The following DLG2 variants were observed in gnomAD, a reference collection of about 807,000 sequenced individuals.
DLG2 encodes disks large homolog 2.
A neutral mutation model predicts 132.5 loss-of-function variants in DLG2; 45 were observed. The ratio of observed to expected loss-of-function variants is 0.34; its 90% CI spans 0.27 to 0.44. DLG2 has a LOEUF of 0.44. Ranked by LOEUF, DLG2 falls within the 20% of genes least tolerant of loss-of-function variation. DLG2 has a pLI of 1.00. For missense variants in DLG2, 1,045 were observed against 1,196.9 expected (o/e 0.87, Z 1.87); for synonymous variants, 424 against 419.6 (o/e 1.01, Z -0.13).
At chr11:85,489,838 T>C (rs776659509) in intron 3 of DLG2, among the ~76,000 whole-genome samples, 11 of 151,360 alleles carry the variant, frequency 7.3e-5, no homozygotes, top group Non-Finnish European at 1.6e-4. Context: ...AAATAAATTA[T>C]GAAGGAATTT....
intron 3 of DLG2, among the ~76,000 whole-genome samples, chr11:85,527,690 A>C (rs762166186): frequency 6.6e-6 from 1 of 152,204 alleles, no homozygotes; most frequent in East Asian, 1.9e-4. Context: ...AAAATAATTT[A>C]TAATCCTTTG....
At chr11:85,184,943 C>T (rs946258277) in intron 4 of DLG2, among the ~76,000 whole-genome samples, 9 of 151,632 alleles carry the variant, frequency 5.9e-5, no homozygotes, top group South Asian at 4.1e-4. Flanking sequence ...AACTGGGGAA[C>T]GTGGGTTGAA....
At chr11:84,490,648 G>GAAA (rs1567769836) in intron 7 of DLG2, among the ~76,000 whole-genome samples, 1 of 99,202 alleles carries the variant, frequency 1.0e-5, no homozygotes, top group African/African-American at 3.9e-5. Flanking sequence ...ACATATATGA[G>GAAA]CAAAAAAAAA....
intron 6 of DLG2, among the ~76,000 whole-genome samples, chr11:84,630,497 A>G (rs919404895): frequency 6.6e-6 from 1 of 152,178 alleles, no homozygotes; most frequent in African/African-American, 2.4e-5. Context: ...GTAATTTGTT[A>G]TGTGACAAAA....
chr11:84,185,299 T>A (rs953416771), intron 8 of DLG2, among the ~76,000 whole-genome samples: 11 of 152,144 alleles, frequency 7.2e-5, no homozygotes, highest in Admixed American at 7.2e-4. Context: ...CCCTTGTAAG[T>A]TGGATTCCTA....
chr11:84,736,831 G>A (rs887522562), intron 6 of DLG2, among the ~76,000 whole-genome samples: 2 of 151,878 alleles, frequency 1.3e-5, no homozygotes, highest in African/African-American at 4.8e-5. Context: ...ACAAAAATGA[G>A]TTTTACATCT....
intron 6 of DLG2, among the ~76,000 whole-genome samples, chr11:84,692,277 A>ATAT (rs1289900481): frequency 2.6e-5 from 4 of 151,798 alleles, no homozygotes; most frequent in African/African-American, 9.7e-5. Context: ...TATGCTAAGC[A>ATAT]TATTACCTTT....
In DLG2 at chr11:84,934,109, T is replaced by C. The variant is rs192819251; in HGVS notation, c.357+177552A>G. ...GATGTTGAATTTTATTGAAATCCTC[T>C]TCTGCACCTATTTAGATAATCATGT... On this transcript the variant is annotated intron_variant, in intron 6 of 27. Transcript: ENST00000376104. Among the ~76,000 whole-genome samples, 405 of 152,334 alleles carry C rather than the reference T, an allele frequency of 2.7e-3. 1 individual carries two copies. The highest frequency in any genetic ancestry group is 4.8e-3 in the Non-Finnish European group (328 of 68,030).
chr11:84,796,434 C>A (rs537088714), intron 6 of DLG2, among the ~76,000 whole-genome samples: 1 of 152,286 alleles, frequency 6.6e-6, no homozygotes. Flanking sequence ...TTGCATGCCA[C>A]AGTTGCAGTG....
At chr11:83,605,552 A>C (rs2059218877) in intron 19 of DLG2, among the ~76,000 whole-genome samples, 1 of 152,260 alleles carries the variant, frequency 6.6e-6, no homozygotes, top group African/African-American at 2.4e-5. Context: ...TACCAGAATA[A>C]GCTTAGTTAA....
At chr11:83,482,492 G>A (rs2137371193) in intron 22 of DLG2, among the ~76,000 whole-genome samples, 1 of 152,110 alleles carries the variant, frequency 6.6e-6, no homozygotes, top group East Asian at 1.9e-4. Flanking sequence ...GTTGCTTAGT[G>A]CAATCAGATA....
chr11:84,918,675 C>A (rs1016386684), intron 6 of DLG2, among the ~76,000 whole-genome samples: 1 of 152,148 alleles, frequency 6.6e-6, no homozygotes, highest in African/African-American at 2.4e-5. Flanking sequence ...TACAACCTGG[C>A]TGAGCAGATC....
intron 15 of DLG2, among the ~76,000 whole-genome samples, chr11:83,900,359 G>A (rs1022459662): frequency 1.3e-5 from 2 of 152,200 alleles, no homozygotes; most frequent in Admixed American, 1.3e-4. Flanking sequence ...AGAAAATGGG[G>A]GAAATGTCTC....
rs1025273596 is a variant in DLG2 at position 84,286,507 on chromosome 11, T to C, written c.520-35216A>G. On this transcript the variant is annotated intron_variant, in intron 7 of 27. Transcript: ENST00000376104. ...TAGAACATGGAATAACTTTTAAAGA[T>C]GGCTGGCTAAAATTATCTTTTACTT... 3.9e-5 allele frequency among the ~76,000 whole-genome samples: 6 copies of C among 152,202 alleles called. No individual in the cohort carries two copies. In the East Asian group the frequency reaches 1.2e-3, roughly 29 times the overall value.
intron 3 of DLG2, among the ~76,000 whole-genome samples, chr11:85,596,115 T>C (rs1045388407): frequency 2.0e-5 from 3 of 151,880 alleles, no homozygotes; most frequent in Non-Finnish European, 4.4e-5. Flanking sequence ...AAGGGTCAGG[T>C]GCAGTGATTG....
chr11:84,430,930 A>T (rs1242582790), intron 7 of DLG2, among the ~76,000 whole-genome samples: 1 of 152,162 alleles, frequency 6.6e-6, no homozygotes. Flanking sequence ...TGAGAGACTC[A>T]CAAGCCTCTA....
intron 4 of DLG2, among the ~76,000 whole-genome samples, chr11:85,233,626 T>C (rs942351191): frequency 6.6e-6 from 1 of 151,602 alleles, no homozygotes; most frequent in South Asian, 2.1e-4. Flanking sequence ...GGCAAGATAA[T>C]GGGAAGGAGG....
chr11:85,110,417 CAA>C (rs2072522905), intron 6 of DLG2, among the ~76,000 whole-genome samples: 1 of 151,956 alleles, frequency 6.6e-6, no homozygotes, highest in African/African-American at 2.4e-5. Flanking sequence ...AACTCTGTCT[CAA>C]AAATAAAAAC....
chr11:84,269,459 C>T (rs2097691380), intron 7 of DLG2, among the ~76,000 whole-genome samples: 1 of 152,174 alleles, frequency 6.6e-6, no homozygotes, highest in South Asian at 2.1e-4. Flanking sequence ...GCTGAGACAG[C>T]CTTCCATGAA....
Sources: gnomAD v4.1 joint callset for allele counts (sites outside exome capture counted in the v4.1 genomes callset) on GRCh38, gnomAD v4.1.1 for gene constraint, MANE v1.5 for transcripts, NCBI Gene and HGNC (gene_info 2026-07-23, HGNC 2026-07-21) for gene names.